MMS19: variants seen among roughly 807,000 people sequenced by gnomAD.
MMS19 encodes the protein MMS19 cytosolic iron-sulfur assembly component.
MMS19 carries 77 observed loss-of-function variants against 129.8 expected under a neutral mutation model. That is an observed-to-expected ratio of 0.59 (90% CI 0.49 to 0.72). The LOEUF is 0.72. Ranked by LOEUF, MMS19 falls within the 30% of genes least tolerant of loss-of-function variation. MMS19 has a pLI of 0.00. For synonymous variants in MMS19, 491 were observed against 502.8 expected, an observed-to-expected ratio of 0.98 and a Z score of 0.31; for missense variants, 1,168 against 1,266.3, an observed-to-expected ratio of 0.92 and a Z score of 1.18.
intron 6 of MMS19, 99 bp from the exon 7 acceptor site, chr10:97,477,062 T>C (rs1463386512): frequency 4.5e-6 from 7 of 1,572,372 alleles, no homozygotes; most frequent in Non-Finnish European, 6.0e-6. Context: ...TTGCCTCCCC[T>C]TTCTCTTCAG....
At chr10:97,476,622 G>C (rs895178376) in intron 8 of MMS19, 61 bp downstream of exon 8, 8 of 1,539,554 alleles carry the variant, frequency 5.2e-6, no homozygotes, top group South Asian at 1.1e-5. Flanking sequence ...GCCCAGAACA[G>C]GGCTTGGCAC....
At chr10:97,493,297 C>A (rs1041571949) in intron 1 of MMS19, among the ~76,000 whole-genome samples, 1 of 152,206 alleles carries the variant, frequency 6.6e-6, no homozygotes, top group African/African-American at 2.4e-5. Context: ...AGGCATGAAC[C>A]ACCATGCCTA....
intron 2 of MMS19, among the ~76,000 whole-genome samples, chr10:97,483,300 T>G (rs1414806821): frequency 1.3e-5 from 2 of 152,058 alleles, no homozygotes; most frequent in African/African-American, 4.8e-5. Flanking sequence ...GCAATCCACC[T>G]TCTTCGGCCT....
At chr10:97,487,519 C>T (rs2038127340) in intron 1 of MMS19, among the ~76,000 whole-genome samples, 1 of 151,926 alleles carries the variant, frequency 6.6e-6, no homozygotes, top group African/African-American at 2.4e-5. Context: ...TGGGGTTTCA[C>T]CGTGTTAGCC....
intron 1 of MMS19, among the ~76,000 whole-genome samples, chr10:97,486,411 CCT>C (rs1341139208): frequency 6.6e-6 from 1 of 152,172 alleles, no homozygotes; most frequent in Admixed American, 6.5e-5. Flanking sequence ...GAACTACTGA[CCT>C]CAGGTGATCC....
chr10:97,494,535 C>T (rs748319097), intron 1 of MMS19, among the ~76,000 whole-genome samples: 32 of 152,186 alleles, frequency 2.1e-4, no homozygotes, highest in Non-Finnish European at 4.3e-4. Context: ...TTTCACTAAA[C>T]TGTATTTTAC....
At chr10:97,471,518 TA>T (rs901505961) in intron 8 of MMS19, among the ~76,000 whole-genome samples, 3 of 152,140 alleles carry the variant, frequency 2.0e-5, no homozygotes, top group African/African-American at 7.2e-5. Flanking sequence ...TTATTATTAT[TA>T]TTTTTTTTTG....
chr10:97,488,815 A>G (rs2038370022), intron 1 of MMS19, among the ~76,000 whole-genome samples: 1 of 152,240 alleles, frequency 6.6e-6, no homozygotes. Flanking sequence ...TAATGCATGT[A>G]TAACGTTATT....
chr10:97,498,680 G>A (rs1187078823), upstream of MMS19: 1 of 447,836 alleles, frequency 2.2e-6, no homozygotes, highest in African/African-American at 2.1e-5. Flanking sequence ...TGGGTGGGGA[G>A]AGGGGCGGTA....
intron 1 of MMS19, among the ~76,000 whole-genome samples, chr10:97,489,510 A>T (rs1216223360): frequency 6.6e-6 from 1 of 152,250 alleles, no homozygotes; most frequent in Non-Finnish European, 1.5e-5. Context: ...CTTACATGGC[A>T]CACATCTGTG....
At position 97,498,372 on chromosome 10, in the gene MMS19, C is replaced by G. The variant is rs1465183743; in HGVS notation, c.13G>C (p.Ala5Pro). Reference protein sequence around the residue: MAAAAAVEAAAPMGA... With the variant: MAAAPAVEAAAPMGA... ...ATAGGCGCCGCCGCCTCCACAGCCG[C>G]GGCAGCGGCCATAACGCGAACTAGA... is the stretch of plus-strand genomic sequence containing the variant. The change falls in exon 1 of 31, where the codon GCG (alanine) becomes CCG (proline). Residue 5 changes from alanine (A) to proline (P), a missense_variant. Physicochemically the swap from Ala to Pro is conservative, Grantham distance 27. Coordinates refer to ENST00000438925, the MANE Select transcript of MMS19 (RefSeq NM_022362.5). 1 of 1,577,512 alleles carries G rather than the reference C, an allele frequency of 6.3e-7. No homozygotes were observed. The highest frequency in any genetic ancestry group is 8.5e-7 in the Non-Finnish European group (1 of 1,169,618).
At chr10:97,483,964 G>C (rs753105811) in intron 2 of MMS19, 139 bp downstream of exon 2, 2 of 600,770 alleles carry the variant, frequency 3.3e-6, no homozygotes, top group Middle Eastern at 5.2e-4. Flanking sequence ...TATAGGCTTA[G>C]ACTGAGGTAC....
At chr10:97,484,243 T>C in intron 1 of MMS19, 92 bp from the exon 2 acceptor site, 1 of 871,130 alleles carries the variant, frequency 1.1e-6, no homozygotes, top group Non-Finnish European at 1.7e-6. Flanking sequence ...CTGCCTGCCC[T>C]AGGCTTTGTA....
At chr10:97,495,229 G>C (rs1408656330) in intron 1 of MMS19, among the ~76,000 whole-genome samples, 1 of 152,110 alleles carries the variant, frequency 6.6e-6, no homozygotes, top group Non-Finnish European at 1.5e-5. Flanking sequence ...GGAGCAGTGA[G>C]AAAAAAAGGC....
At position 97,477,342 on chromosome 10, in the gene MMS19, C is replaced by T; in HGVS notation, c.493+5G>A. 1 of 1,613,972 alleles carries T rather than the reference C, an allele frequency of 6.2e-7. No individual in the cohort carries two copies. The highest frequency in any genetic ancestry group is 8.5e-7 in the Non-Finnish European group (1 of 1,179,886). On this transcript the variant is annotated splice_donor_5th_base_variant and intron_variant, in intron 6 of 30. Transcript: ENST00000438925. ...TGACATTTCCCAGAAAGCTCTGTCT[C>T]TTACCTTCTTCCCGGGTTCGCATAA...
rs139431226 is a variant in MMS19, at chr10:97,481,603, T to C, written c.162-561A>G. Among the ~76,000 whole-genome samples, 258 of 152,290 alleles carry C rather than the reference T, an allele frequency of 1.7e-3. 1 individual carries two copies. The highest frequency in any genetic ancestry group is 6.0e-3 in the African/African-American group (248 of 41,570). On this transcript the variant is annotated intron_variant, in intron 2 of 30. Transcript: ENST00000438925. ...AAGAGGGCCAGAATATAGCTTTAAC[T>C]AGTTAACTAGGTAGGATTATTGATA...
intron 10 of MMS19, 66 bp downstream of exon 10, chr10:97,470,062 CT>C: frequency 2.7e-6 from 3 of 1,096,230 alleles, no homozygotes; most frequent in Non-Finnish European, 1.4e-6. Context: ...ATCCTAGAAT[CT>C]ATATCCTTTA....
In MMS19 at chr10:97,465,793, C is replaced by T; in HGVS notation, c.1756+12G>A. 1 of 1,609,108 alleles carries T rather than the reference C, an allele frequency of 6.2e-7. No individual in the cohort carries two copies. Among genetic ancestry groups the T allele is most frequent in the Non-Finnish European group, 8.5e-7 (1 of 1,178,744 alleles). On this transcript the variant is annotated intron_variant, in intron 18 of 30. Transcript: ENST00000438925. ...TCAGCCCAGTCCGTTGGTGGTTATT[C>T]CTAGTAGTTACCTCTGTTCACTTGC... is the stretch of plus-strand genomic sequence containing the variant.
rs754031968 is a variant in MMS19 at position 97,480,374 on chromosome 10, C to CA, written c.262+567dup. The CA allele has an allele frequency of 7.4e-4, 324 of 436,732 alleles. 2 individuals carry two copies. Among genetic ancestry groups the CA allele is most frequent in the Middle Eastern group, 2.2e-3 (3 of 1,338 alleles). 27.1% of individuals were successfully genotyped at this position (436,732 alleles called of 1,614,324 possible). A position where few individuals can be genotyped will look rare whatever the true frequency, so the allele number is the denominator to read the frequency against. On this transcript the variant is annotated intron_variant, in intron 3 of 30. Transcript: ENST00000438925. ...TCTCTGCTCCTTAAAACCAAAAAAA[C>CA]AAAAAAAACAAAACAAAAAAACCAG...
Sources: allele counts gnomAD v4.1 joint callset (sites outside exome capture counted in the v4.1 genomes callset), GRCh38; gene constraint gnomAD v4.1.1; transcripts MANE v1.5; gene names NCBI Gene and HGNC (gene_info 2026-07-23, HGNC 2026-07-21).